The following LIPC variants were observed in gnomAD, a reference collection of about 807,000 sequenced individuals.
LIPC encodes lipase C, hepatic type.
In LIPC, 44 loss-of-function variants were observed where a neutral mutation model predicts 50.7. The observed-to-expected ratio is 0.87, with a 90% CI of 0.68 to 1.11. LIPC has a LOEUF of 1.11. Among genes scored for constraint, LIPC ranks in the 50% most tolerant of loss-of-function variants. The pLI, the probability that LIPC is intolerant of heterozygous loss-of-function variation, is 0.00. For missense variants in LIPC, 697 were observed against 648.2 expected, an observed-to-expected ratio of 1.08 and a Z score of -0.82; for synonymous variants, 271 against 256.4, an observed-to-expected ratio of 1.06 and a Z score of -0.54.
chr15:58,537,542 G>A (rs1429072787), intron 1 of LIPC, among the ~76,000 whole-genome samples: 2 of 152,004 alleles, frequency 1.3e-5, no homozygotes, highest in Non-Finnish European at 2.9e-5. Context: ...CAGCATCCCA[G>A]GGCCCTCCAT....
intron 1 of LIPC, among the ~76,000 whole-genome samples, chr15:58,492,182 C>T (rs987189938): frequency 2.0e-5 from 3 of 152,168 alleles, no homozygotes; most frequent in African/African-American, 4.8e-5. Context: ...CCACCCTGCC[C>T]TCAGTTCCTA....
In LIPC at chr15:58,545,789, C is replaced by G; in HGVS notation, c.622C>G (p.Arg208Gly). The G allele has an allele frequency of 6.2e-7, 1 of 1,614,200 alleles. No homozygotes were observed. The highest frequency in any genetic ancestry group is 8.5e-7 in the Non-Finnish European group (1 of 1,180,036). The part of the protein sequence containing the change: ...PLFEGSAPSN[R>G]LSPDDANFVD... ...GTTTGAGGGAAGTGCCCCCAGCAATCGTCTTTCTCCAGATGATGCCAATTT... is the reference window on the plus strand; with the variant it reads ...GTTTGAGGGAAGTGCCCCCAGCAATGGTCTTTCTCCAGATGATGCCAATTT... The change falls in exon 5 of 9, where the codon CGT becomes GGT. Residue 208 changes from arginine (R) to glycine (G), a missense_variant. Coordinates refer to ENST00000299022, the MANE Select transcript of LIPC (RefSeq NM_000236.3).
At chr15:58,567,330 T>C (rs8040638) in intron 8 of LIPC, among the ~76,000 whole-genome samples, 350 of 20,840 alleles carry the variant, frequency 0.017, 3 homozygotes, top group African/African-American at 0.053. Context: ...TGTGTATATA[T>C]ATATATATGT....
intron 1 of LIPC, among the ~76,000 whole-genome samples, chr15:58,489,088 C>G (rs1891477149): frequency 6.6e-6 from 1 of 151,946 alleles, no homozygotes. Context: ...CAATACTGAG[C>G]TGACCTTACA....
intron 3 of LIPC, 105 bp downstream of exon 3, chr15:58,542,072 C>A (rs1165954607): frequency 2.4e-6 from 3 of 1,256,062 alleles, no homozygotes; most frequent in African/African-American, 1.5e-5. Context: ...GCAGGAGAAG[C>A]ACTAATGCTC....
chr15:58,490,955 C>G (rs866424958), intron 1 of LIPC, among the ~76,000 whole-genome samples: 2 of 152,148 alleles, frequency 1.3e-5, no homozygotes, highest in Non-Finnish European at 2.9e-5. Context: ...AAGGAAAGAG[C>G]GAGCCCATTA....
At chr15:58,471,875 C>T (rs1180000570) in intron 1 of LIPC, among the ~76,000 whole-genome samples, 1 of 152,184 alleles carries the variant, frequency 6.6e-6, no homozygotes, top group African/African-American at 2.4e-5. Context: ...TCTCAATGAC[C>T]CTTGGGCTCC....
At chr15:58,443,688 T>G (rs1893584608) in intron 1 of LIPC, among the ~76,000 whole-genome samples, 1 of 152,200 alleles carries the variant, frequency 6.6e-6, no homozygotes, top group African/African-American at 2.4e-5. Flanking sequence ...CTCACGCATG[T>G]GAAGAGACCA....
At chr15:58,516,255 T>A (rs1237128005) in intron 1 of LIPC, among the ~76,000 whole-genome samples, 1 of 146,388 alleles carries the variant, frequency 6.8e-6, no homozygotes, top group Non-Finnish European at 1.5e-5. Context: ...TTTTTTTTTT[T>A]TTTTTTTGGT....
intron 2 of LIPC, among the ~76,000 whole-genome samples, chr15:58,540,701 C>A (rs1893290255): frequency 6.6e-6 from 1 of 152,212 alleles, no homozygotes; most frequent in Non-Finnish European, 1.5e-5. Context: ...TACCACACTG[C>A]CCTTTCATGA....
intron 1 of LIPC, among the ~76,000 whole-genome samples, chr15:58,497,240 C>T (rs188757602): frequency 6.6e-6 from 1 of 152,286 alleles, no homozygotes; most frequent in East Asian, 1.9e-4. Flanking sequence ...GACCGAATGA[C>T]AAATGGCTCC....
intron 6 of LIPC, among the ~76,000 whole-genome samples, chr15:58,550,801 C>A (rs928027392): frequency 3.4e-5 from 5 of 147,956 alleles, no homozygotes; most frequent in Non-Finnish European, 5.9e-5. Flanking sequence ...TGGCTTGTAC[C>A]ACACCCTCTC....
chr15:58,445,266 G>A (rs921347441), intron 1 of LIPC, among the ~76,000 whole-genome samples: 4 of 152,344 alleles, frequency 2.6e-5, no homozygotes, highest in African/African-American at 4.8e-5. Flanking sequence ...CTGGCTTGGC[G>A]CCTTATGGAA....
chr15:58,490,382 CGGCTAA>C (rs1250089841), intron 1 of LIPC, among the ~76,000 whole-genome samples: 8 of 152,190 alleles, frequency 5.3e-5, no homozygotes, highest in African/African-American at 1.9e-4. Flanking sequence ...GTATCTCCTC[CGGCTAA>C]TCTGAACATA....
At chr15:58,491,342 C>G (rs1412563285) in intron 1 of LIPC, among the ~76,000 whole-genome samples, 1 of 152,146 alleles carries the variant, frequency 6.6e-6, no homozygotes, top group African/African-American at 2.4e-5. Context: ...CTCTACTCTC[C>G]CCAGATGTGT....
At chr15:58,489,231 C>A (rs778969717) in intron 1 of LIPC, among the ~76,000 whole-genome samples, 1 of 71,278 alleles carries the variant, frequency 1.4e-5, no homozygotes, top group Admixed American at 1.6e-4. Flanking sequence ...GGCGGGGGGG[C>A]GGCTTACAAG....
At chr15:58,508,972 T>C (rs1010378233) in intron 1 of LIPC, among the ~76,000 whole-genome samples, 3 of 152,206 alleles carry the variant, frequency 2.0e-5, no homozygotes, top group African/African-American at 7.2e-5. Context: ...AACATCCCAA[T>C]GTATTTGTCC....
intron 1 of LIPC, among the ~76,000 whole-genome samples, chr15:58,463,552 C>G (rs530751206): frequency 9.8e-5 from 15 of 152,342 alleles, no homozygotes; most frequent in Admixed American, 7.2e-4. Context: ...ACTCGTCTAT[C>G]CTACCTGAGC....
chr15:58,433,787 T>A (rs17269250), intron 1 of LIPC, among the ~76,000 whole-genome samples: 1 of 152,182 alleles, frequency 6.6e-6, no homozygotes, highest in Admixed American at 6.5e-5. Context: ...TTTGTGCAAA[T>A]GCTGAGAGAA....
Sources: allele counts gnomAD v4.1 joint callset (sites outside exome capture counted in the v4.1 genomes callset), GRCh38; gene constraint gnomAD v4.1.1; transcripts MANE v1.5; gene names NCBI Gene and HGNC (gene_info 2026-07-23, HGNC 2026-07-21).